Variants in B3GALT1 observed in about 807,000 individuals in gnomAD.
The protein encoded by B3GALT1 is beta-1,3-galactosyltransferase 1.
In B3GALT1, 10 loss-of-function variants were observed where a neutral mutation model predicts 23.2. The observed-to-expected ratio is 0.43, with a 90% CI of 0.27 to 0.73. The LOEUF (loss-of-function observed/expected upper bound fraction) is 0.73. Among genes scored for constraint, B3GALT1 ranks in the 30% least tolerant of loss-of-function variants. The pLI is 0.21. For missense variants in B3GALT1, 299 were observed against 405.4 expected, an observed-to-expected ratio of 0.74 and a Z score of 2.25; for synonymous variants, 156 against 141.5, an observed-to-expected ratio of 1.10 and a Z score of -0.73.
At position 167,587,251 on chromosome 2, in the gene B3GALT1, A is replaced by G. The variant is rs185536522; in HGVS notation, c.-409-59658A>G. ...CCTAGGTACCTTGTCATGTCCAGGA[A>G]GTATTATTCAACATATTTTTACGTA... On this transcript the variant is annotated intron_variant, in intron 2 of 4. Coordinates refer to ENST00000392690, the MANE Select transcript of B3GALT1 (RefSeq NM_020981.4). Among the ~76,000 whole-genome samples the G allele has an allele frequency of 1.8e-4, 28 of 152,314 alleles. No individual in the cohort carries two copies. In the East Asian group the frequency reaches 2.7e-3, roughly 15 times the overall value.
intron 4 of B3GALT1, among the ~76,000 whole-genome samples, chr2:167,825,073 C>T (rs941749522): frequency 5.9e-5 from 9 of 151,884 alleles, no homozygotes; most frequent in African/African-American, 2.2e-4. Flanking sequence ...ATCACCAGGT[C>T]AGGAGATCGA....
At chr2:167,835,797 C>A (rs1043308674) in intron 4 of B3GALT1, among the ~76,000 whole-genome samples, 1 of 152,184 alleles carries the variant, frequency 6.6e-6, no homozygotes, top group Non-Finnish European at 1.5e-5. Context: ...CAGACTGACA[C>A]CTCACACAGC....
At chr2:167,630,578 G>A (rs1224065371) in intron 2 of B3GALT1, among the ~76,000 whole-genome samples, 3 of 151,534 alleles carry the variant, frequency 2.0e-5, no homozygotes, top group Non-Finnish European at 4.4e-5. Context: ...AAGTGCTGAA[G>A]GATTTTGGAG....
chr2:167,590,129 G>A (rs1208365696), intron 2 of B3GALT1, among the ~76,000 whole-genome samples: 2 of 151,976 alleles, frequency 1.3e-5, no homozygotes, highest in African/African-American at 2.4e-5. Context: ...GGCGGATCAC[G>A]AGGTCAGGAG....
intron 2 of B3GALT1, among the ~76,000 whole-genome samples, chr2:167,598,202 C>T (rs1236520508): frequency 6.6e-6 from 1 of 151,812 alleles, no homozygotes; most frequent in Non-Finnish European, 1.5e-5. Flanking sequence ...AATATATAGC[C>T]AGAGAAATCA....
chr2:167,452,612 T>C (rs1699107686), intron 1 of B3GALT1, among the ~76,000 whole-genome samples: 1 of 152,194 alleles, frequency 6.6e-6, no homozygotes, highest in African/African-American at 2.4e-5. Context: ...TTCTCTCAGC[T>C]TTCCTGGTAT....
intron 2 of B3GALT1, among the ~76,000 whole-genome samples, chr2:167,642,023 G>T (rs558025674): frequency 2.0e-5 from 3 of 152,260 alleles, no homozygotes; most frequent in Non-Finnish European, 2.9e-5. Context: ...TGTTCTCCAT[G>T]AAATAGCACA....
chr2:167,808,114 AG>A (rs371557931), intron 3 of B3GALT1, among the ~76,000 whole-genome samples: 5,672 of 151,630 alleles, frequency 0.037, 125 homozygotes, highest in South Asian at 0.09. Context: ...ATCAGAGACT[AG>A]GATTGCAACC....
chr2:167,566,695 G>T (rs1049937382), intron 2 of B3GALT1, among the ~76,000 whole-genome samples: 1 of 152,100 alleles, frequency 6.6e-6, no homozygotes, highest in Non-Finnish European at 1.5e-5. Context: ...AGGTCATCCA[G>T]GCTGAAAGCA....
At chr2:167,325,133 A>G (rs989017257) in intron 1 of B3GALT1, among the ~76,000 whole-genome samples, 2 of 152,162 alleles carry the variant, frequency 1.3e-5, no homozygotes, top group African/African-American at 2.4e-5. Context: ...TTGATTCTAT[A>G]TCATTGAGAT....
At chr2:167,730,946 TA>T (rs1237695159) in intron 3 of B3GALT1, among the ~76,000 whole-genome samples, 1 of 152,168 alleles carries the variant, frequency 6.6e-6, no homozygotes, top group Non-Finnish European at 1.5e-5. Context: ...ATTCAAAGAA[TA>T]AACCTATGAA....
chr2:167,572,955 C>T (rs1447508368), intron 2 of B3GALT1, among the ~76,000 whole-genome samples: 2 of 151,676 alleles, frequency 1.3e-5, no homozygotes, highest in African/African-American at 4.8e-5. Context: ...GCCTCCTTAC[C>T]CCAATTCAAA....
At chr2:167,621,307 A>C (rs1405723660) in intron 2 of B3GALT1, among the ~76,000 whole-genome samples, 1 of 151,814 alleles carries the variant, frequency 6.6e-6, no homozygotes, top group African/African-American at 2.4e-5. Context: ...GCTGGTCTCG[A>C]ACTCCTAAGT....
intron 2 of B3GALT1, among the ~76,000 whole-genome samples, chr2:167,644,779 TAAAAAAAA>T (rs199652424): frequency 4.4e-5 from 4 of 91,168 alleles, no homozygotes; most frequent in Admixed American, 1.4e-4. Flanking sequence ...GACTCTGTCT[TAAAAAAAA>T]AAAAAAAAAA....
At chr2:167,832,314 C>T (rs1689368592) in intron 4 of B3GALT1, among the ~76,000 whole-genome samples, 1 of 152,190 alleles carries the variant, frequency 6.6e-6, no homozygotes, top group South Asian at 2.1e-4. Context: ...TAGTTTCTGA[C>T]ACCAACGTAC....
chr2:167,667,941 C>G (rs1485074780), intron 3 of B3GALT1, among the ~76,000 whole-genome samples: 1 of 152,212 alleles, frequency 6.6e-6, no homozygotes, highest in African/African-American at 2.4e-5. Flanking sequence ...GCCTTCTTCT[C>G]TCAGCTTGTC....
intron 3 of B3GALT1, among the ~76,000 whole-genome samples, chr2:167,738,504 T>C (rs2105273368): frequency 6.6e-6 from 1 of 152,332 alleles, no homozygotes; most frequent in Non-Finnish European, 1.5e-5. Context: ...ATGATATTTT[T>C]TCTAAAGACA....
chr2:167,720,352 TA>T (rs1203901781), intron 3 of B3GALT1, among the ~76,000 whole-genome samples: 21 of 152,196 alleles, frequency 1.4e-4, no homozygotes, highest in Middle Eastern at 6.8e-3. Flanking sequence ...GGGGGGAAGT[TA>T]AAACATTCCA....
intron 1 of B3GALT1, among the ~76,000 whole-genome samples, chr2:167,346,671 T>C (rs968447372): frequency 6.6e-6 from 1 of 152,052 alleles, no homozygotes; most frequent in Admixed American, 6.6e-5. Flanking sequence ...CCATTTTCTT[T>C]GGGTGTGTAA....
Sources: allele counts gnomAD v4.1 joint callset (sites outside exome capture counted in the v4.1 genomes callset), GRCh38; gene constraint gnomAD v4.1.1; transcripts MANE v1.5; gene names NCBI Gene and HGNC (gene_info 2026-07-23, HGNC 2026-07-21).